Variants in PBRM1 observed in about 807,000 individuals in gnomAD.
PBRM1 encodes the protein protein polybromo-1.
A neutral mutation model predicts 194.5 loss-of-function variants in PBRM1; 27 were observed. The ratio of observed to expected loss-of-function variants is 0.14; its 90% CI spans 0.10 to 0.19. PBRM1 has a LOEUF of 0.19. Ranked by LOEUF, PBRM1 falls within the 10% of genes least tolerant of loss-of-function variation. The pLI, the probability that PBRM1 is intolerant of heterozygous loss-of-function variation, is 1.00. For missense variants in PBRM1, 1,466 were observed against 2,077.2 expected, an observed-to-expected ratio of 0.71 and a Z score of 5.72; for synonymous variants, 655 against 693.2, an observed-to-expected ratio of 0.94 and a Z score of 0.87.
intron 1 of PBRM1, among the ~76,000 whole-genome samples, chr3:52,679,344 C>G (rs2097164871): frequency 6.6e-6 from 1 of 152,216 alleles, no homozygotes; most frequent in African/African-American, 2.4e-5. Flanking sequence ...GATAGTCACA[C>G]AGTTATTTGC....
At chr3:52,643,317 C>T (rs774022977) in exon 9 of PBRM1, 1 of 1,613,764 alleles carries the variant, frequency 6.2e-7, no homozygotes, top group Non-Finnish European at 8.5e-7. Context: ...ACCTGTCAGT[C>T]TGGCTGCAGC....
intron 22 of PBRM1, among the ~76,000 whole-genome samples, chr3:52,571,249 G>A (rs2087046837): frequency 6.6e-6 from 1 of 151,472 alleles, no homozygotes; most frequent in Non-Finnish European, 1.5e-5. Flanking sequence ...CTTGAACCCA[G>A]GAGGTGGAGG....
chr3:52,620,972 C>T (rs532782866), intron 13 of PBRM1, among the ~76,000 whole-genome samples: 1 of 152,190 alleles, frequency 6.6e-6, no homozygotes, highest in Admixed American at 6.5e-5. Context: ...AGTTTTAATC[C>T]GGCTGCCAGA....
intron 27 of PBRM1, among the ~76,000 whole-genome samples, chr3:52,553,570 CCTCAGTCTCCCCAGG>C (rs2081489061): frequency 6.6e-6 from 1 of 150,676 alleles, no homozygotes; most frequent in African/African-American, 2.4e-5. Flanking sequence ...CTCACTGCAG[CCTCAGTCTCCCCAGG>C]CTCAGGTAAT....
chr3:52,554,108 T>G (rs2081688212), intron 27 of PBRM1, among the ~76,000 whole-genome samples: 2 of 152,338 alleles, frequency 1.3e-5, no homozygotes, highest in Non-Finnish European at 2.9e-5. Flanking sequence ...CATGTCATGC[T>G]TCTTAGGGAA....
chr3:52,564,695 A>G (rs998043673), intron 22 of PBRM1, among the ~76,000 whole-genome samples: 3 of 152,098 alleles, frequency 2.0e-5, no homozygotes, highest in African/African-American at 7.2e-5. Context: ...TGGCATAAGG[A>G]TAGAATATAT....
At chr3:52,557,874 C>T (rs1009993862) in intron 26 of PBRM1, among the ~76,000 whole-genome samples, 14 of 152,222 alleles carry the variant, frequency 9.2e-5, no homozygotes, top group Non-Finnish European at 1.0e-4. Context: ...ATGGGAAAAT[C>T]AACACCACCT....
intron 8 of PBRM1, 41 bp downstream of exon 9, chr3:52,644,663 A>C: frequency 1.1e-6 from 1 of 949,446 alleles, no homozygotes. Context: ...GATTACAGGC[A>C]TGAGCCACCA....
chr3:52,569,133 C>G (rs1476699335), intron 22 of PBRM1, among the ~76,000 whole-genome samples: 1 of 152,116 alleles, frequency 6.6e-6, no homozygotes, highest in Non-Finnish European at 1.5e-5. Flanking sequence ...AGTGATCCAC[C>G]CACCTCGGCC....
intron 22 of PBRM1, among the ~76,000 whole-genome samples, chr3:52,569,833 A>G (rs1559947416): frequency 6.6e-6 from 1 of 152,062 alleles, no homozygotes; most frequent in Non-Finnish European, 1.5e-5. Context: ...GTTTGCCATG[A>G]TTTCTTAGTT....
At chr3:52,547,997 G>T in exon 30 of PBRM1, 1 of 1,386,504 alleles carries the variant, frequency 7.2e-7, no homozygotes, top group Non-Finnish European at 1.0e-6. Context: ...CCCACCCCCA[G>T]TAACTAAAAT....
intron 16 of PBRM1, among the ~76,000 whole-genome samples, chr3:52,605,531 A>G (rs1351874955): frequency 6.6e-6 from 1 of 152,100 alleles, no homozygotes; most frequent in African/African-American, 2.4e-5. Context: ...TGCTGCTCCC[A>G]TCAGCAAAGG....
At chr3:52,586,324 G>C (rs932005430) in intron 20 of PBRM1, 101 bp downstream of exon 22, 2 of 992,632 alleles carry the variant, frequency 2.0e-6, no homozygotes, top group African/African-American at 3.2e-5. Flanking sequence ...AAGGTTTTGT[G>C]TTGTTGCTCT....
intron 17 of PBRM1, among the ~76,000 whole-genome samples, chr3:52,589,547 G>C (rs1380503131): frequency 6.6e-6 from 1 of 152,078 alleles, no homozygotes; most frequent in Non-Finnish European, 1.5e-5. Flanking sequence ...TGGACATTTT[G>C]GATAATATCG....
At chr3:52,591,621 G>C (rs1475016985) in intron 17 of PBRM1, among the ~76,000 whole-genome samples, 1 of 137,824 alleles carries the variant, frequency 7.3e-6, no homozygotes, top group Non-Finnish European at 1.5e-5. Flanking sequence ...CCAAGTTCAA[G>C]CAATTCTCCA....
At chr3:52,565,278 G>A (rs1159595402) in intron 22 of PBRM1, among the ~76,000 whole-genome samples, 18 of 151,944 alleles carry the variant, frequency 1.2e-4, no homozygotes, top group East Asian at 1.9e-4. Context: ...GGCCGAGGAG[G>A]GTGGATCACC....
Position 52,572,371 on chromosome 3 carries a change from TTTAAG to T in PBRM1, c.3691+4165_3691+4169del, listed in dbSNP as rs534555639. On this transcript the variant is annotated intron_variant, in intron 22 of 29. Coordinates refer to ENST00000296302, the Ensembl canonical transcript of PBRM1. The stretch of plus-strand genomic sequence containing the variant: ...GCCACATGTGGCCATCTGATTACTG[TTTAAG>T]TTCTTTTTTTTTTTGAGACGGAGTC... 4.0e-4 allele frequency among the ~76,000 whole-genome samples: 61 copies of T among 151,840 alleles called. No individual in the cohort carries two copies. In the East Asian group the frequency reaches 0.01, roughly 25 times the overall value.
intron 22 of PBRM1, among the ~76,000 whole-genome samples, chr3:52,567,506 T>C (rs927626402): frequency 1.4e-5 from 2 of 147,888 alleles, no homozygotes; most frequent in African/African-American, 5.0e-5. Context: ...CATTTCCTCA[T>C]GCTCTTGTCA....
At chr3:52,642,185 G>A in intron 9 of PBRM1, 140 bp from the exon 11 acceptor site, 1 of 611,450 alleles carries the variant, frequency 1.6e-6, no homozygotes, top group Non-Finnish European at 2.9e-6. Context: ...GTTTATCTCT[G>A]TACTTAATGG....
Sources: gnomAD v4.1 joint callset for allele counts (sites outside exome capture counted in the v4.1 genomes callset) on GRCh38, gnomAD v4.1.1 for gene constraint, MANE v1.5 for transcripts, NCBI Gene and HGNC (gene_info 2026-07-23, HGNC 2026-07-21) for gene names.